Variants in FAM227B observed in about 807,000 individuals in gnomAD.
FAM227B encodes family with sequence similarity 227 member B.
Under a neutral mutation model 73.8 loss-of-function variants are expected in FAM227B, and 88 were observed. That is an observed-to-expected ratio of 1.19 (90% CI 1.00 to 1.42). FAM227B has a LOEUF of 1.42. Among genes scored for constraint, FAM227B ranks in the 40% most tolerant of loss-of-function variants. The pLI is 0.00. For missense variants in FAM227B, 632 were observed against 590.9 expected (o/e 1.07, Z -0.72); for synonymous variants, 210 against 190.5 (o/e 1.10, Z -0.84).
At chr15:49,399,630 C>A (rs1230397489) in intron 11 of FAM227B, among the ~76,000 whole-genome samples, 3 of 151,114 alleles carry the variant, frequency 2.0e-5, no homozygotes, top group African/African-American at 4.9e-5. Context: ...ATCCAGCAGC[C>A]CATCAAAAAG....
intron 7 of FAM227B, 105 bp from the exon 8 acceptor site, chr15:49,575,214 C>G: frequency 2.0e-6 from 1 of 489,994 alleles, no homozygotes; most frequent in African/African-American, 2.0e-5. Context: ...GCTTATAGAT[C>G]AGCACTGTCC....
chr15:49,466,601 A>G lies in FAM227B; in HGVS notation c.1012+41610T>C, dbSNP rs563022882. 1.2e-4 allele frequency among the ~76,000 whole-genome samples: 18 copies of G among 152,284 alleles called. No individual in the cohort carries two copies. In the South Asian group the frequency reaches 3.5e-3, roughly 30 times the overall value. On this transcript the variant is annotated intron_variant, in intron 11 of 15. Transcript: ENST00000299338. ...TAACATATATCTTATGAATACATAA[A>G]GGGTTAAAGTCAGAAGGGCTGGAGG...
rs535571080 is a variant in FAM227B at position 49,495,750 on chromosome 15, A to G, written c.1012+12461T>C. ...GTGCAAACTAAAATCCGGGCCGGGCATGGTGGCTCGTGCTTTAATCCCAGC... is the reference window on the plus strand; with the variant it reads ...GTGCAAACTAAAATCCGGGCCGGGCGTGGTGGCTCGTGCTTTAATCCCAGC... On this transcript the variant is annotated intron_variant, in intron 11 of 15. Transcript: ENST00000299338. Among the ~76,000 whole-genome samples, 5 of 152,216 alleles carry G rather than the reference A, an allele frequency of 3.3e-5. No homozygotes were observed. In the East Asian group the frequency reaches 9.7e-4, roughly 29 times the overall value.
intron 10 of FAM227B, among the ~76,000 whole-genome samples, chr15:49,509,318 T>G (rs1228885764): frequency 6.6e-6 from 1 of 152,128 alleles, no homozygotes; most frequent in African/African-American, 2.4e-5. Flanking sequence ...GTGCAGTCCT[T>G]CTAGGGTCAT....
chr15:49,448,066 TAACA>T (rs2052386835), intron 11 of FAM227B, among the ~76,000 whole-genome samples: 1 of 151,708 alleles, frequency 6.6e-6, no homozygotes, highest in African/African-American at 2.4e-5. Context: ...AATCAGTAAA[TAACA>T]AACTTATCAG....
chr15:49,327,882 C>G lies in FAM227B; in HGVS notation c.*686G>C, dbSNP rs952115219. On this transcript the variant is annotated 3_prime_UTR_variant, in exon 16 of 16. Transcript: ENST00000299338. ...TTAGAACTTAGATAGGCTATGTGTT[C>G]TACAAACACCAAGCAAATCCCTTGT... 8 of 1,470,088 alleles carry G rather than the reference C, an allele frequency of 5.4e-6. No homozygotes were observed. Among genetic ancestry groups the G allele is most frequent in the Non-Finnish European group, 6.5e-6 (7 of 1,076,744 alleles). The allele number at this position is 1,470,088 out of a possible 1,614,324, so 91.1% of individuals were successfully genotyped here.
At chr15:49,587,790 TAA>T (rs1441045782) in intron 5 of FAM227B, among the ~76,000 whole-genome samples, 1 of 152,072 alleles carries the variant, frequency 6.6e-6, no homozygotes, top group African/African-American at 2.4e-5. Flanking sequence ...TACCTTGAAA[TAA>T]GTCTTCAAAT....
At chr15:49,381,080 C>A (rs571171739) in intron 11 of FAM227B, among the ~76,000 whole-genome samples, 2 of 152,162 alleles carry the variant, frequency 1.3e-5, no homozygotes, top group East Asian at 3.9e-4. Context: ...GGGGAGGTGT[C>A]ATGCATTTTT....
At chr15:49,502,518 C>A (rs986075645) in intron 11 of FAM227B, among the ~76,000 whole-genome samples, 2 of 152,246 alleles carry the variant, frequency 1.3e-5, no homozygotes, top group East Asian at 3.8e-4. Context: ...TGGCCGATTT[C>A]TCCCTTTTGG....
intron 13 of FAM227B, chr15:49,366,705 G>C (rs1368631332): frequency 1.5e-6 from 2 of 1,344,636 alleles, no homozygotes; most frequent in East Asian, 2.3e-5. Context: ...GGTGGCGGGT[G>C]GGGTGGCGCG....
intron 11 of FAM227B, among the ~76,000 whole-genome samples, chr15:49,433,360 A>G (rs573324574): frequency 6.6e-6 from 1 of 151,728 alleles, no homozygotes; most frequent in Admixed American, 6.6e-5. Flanking sequence ...TTCCAGTGGT[A>G]GAAGCAGCAG....
chr15:49,587,130 C>G, intron 5 of FAM227B, among the ~76,000 whole-genome samples: 1 of 152,110 alleles, frequency 6.6e-6, no homozygotes, highest in East Asian at 1.9e-4. Context: ...TATATATACA[C>G]CACGGAATAC....
At chr15:49,573,475 G>T (rs2152368131) in intron 8 of FAM227B, among the ~76,000 whole-genome samples, 1 of 152,290 alleles carries the variant, frequency 6.6e-6, no homozygotes, top group Middle Eastern at 3.4e-3. Flanking sequence ...CAGTGGTGTT[G>T]GGAGATGAGG....
chr15:49,579,445 T>C (rs1427781775), intron 5 of FAM227B, among the ~76,000 whole-genome samples: 3 of 152,180 alleles, frequency 2.0e-5, no homozygotes, highest in Admixed American at 6.6e-5. Flanking sequence ...ATATACACAA[T>C]GGAATACTAT....
At chr15:49,577,606 G>A (rs1380405331) in intron 6 of FAM227B, 23 bp downstream of exon 6, 23 of 1,477,274 alleles carry the variant, frequency 1.6e-5, no homozygotes, top group Non-Finnish European at 2.0e-5. Flanking sequence ...TATACAATCT[G>A]GCAGAACAGA....
At chr15:49,525,503 C>G (rs1278145595) in intron 10 of FAM227B, among the ~76,000 whole-genome samples, 1 of 151,138 alleles carries the variant, frequency 6.6e-6, no homozygotes, top group African/African-American at 2.4e-5. Context: ...ACTAATAAAC[C>G]AGCCAATCAT....
At position 49,328,122 on chromosome 15, in the gene FAM227B, A is replaced by G. The variant is rs747073827; in HGVS notation, c.*446T>C. The stretch of plus-strand genomic sequence containing the variant: ...GAGAAGCAAAGTTTGTTTGCTACCA[A>G]ACCTGGAGGTGGGGCTTTGGTTTTG... On this transcript the variant is annotated 3_prime_UTR_variant, in exon 16 of 16. Coordinates refer to ENST00000299338, the MANE Select transcript of FAM227B (RefSeq NM_152647.3). 2.7e-5 allele frequency: 44 copies of G among 1,614,138 alleles called. No individual in the cohort carries two copies. The highest frequency in any genetic ancestry group is 3.6e-5 in the Non-Finnish European group (42 of 1,179,996).
intron 14 of FAM227B, among the ~76,000 whole-genome samples, chr15:49,334,484 G>A (rs1206881508): frequency 6.6e-6 from 1 of 152,090 alleles, no homozygotes; most frequent in Non-Finnish European, 1.5e-5. Context: ...TATGCCAAAG[G>A]TATCACCCAC....
chr15:49,469,104 T>G (rs920024763), intron 11 of FAM227B, among the ~76,000 whole-genome samples: 2 of 152,174 alleles, frequency 1.3e-5, no homozygotes, highest in Non-Finnish European at 2.9e-5. Context: ...AGAAAATAAA[T>G]GACTCATAAA....
Sources: allele counts gnomAD v4.1 joint callset (sites outside exome capture counted in the v4.1 genomes callset), GRCh38; gene constraint gnomAD v4.1.1; transcripts MANE v1.5; gene names NCBI Gene and HGNC (gene_info 2026-07-23, HGNC 2026-07-21).